The following NCAM1 variants were observed in gnomAD, a reference collection of about 807,000 sequenced individuals.
The protein encoded by NCAM1 is antigen recognized by monoclonal antibody 5.1H11.
In NCAM1, 14 loss-of-function variants were observed where a neutral mutation model predicts 109.8. That is an observed-to-expected ratio of 0.13 (90% CI 0.08 to 0.20). NCAM1 has a LOEUF of 0.20. Ranked by LOEUF, NCAM1 falls within the 10% of genes least tolerant of loss-of-function variation. NCAM1 has a pLI of 1.00. For synonymous variants in NCAM1, 418 were observed against 442.9 expected, an observed-to-expected ratio of 0.94 and a Z score of 0.70; for missense variants, 774 against 1,109.9, an observed-to-expected ratio of 0.70 and a Z score of 4.30.
At chr11:113,126,836 C>G (rs1941199515) in intron 1 of NCAM1, among the ~76,000 whole-genome samples, 1 of 152,196 alleles carries the variant, frequency 6.6e-6, no homozygotes, top group Admixed American at 6.5e-5. Flanking sequence ...ACTTTACAGG[C>G]CAGACTTAGG....
intron 17 of NCAM1, among the ~76,000 whole-genome samples, chr11:113,269,028 G>C (rs1231937267): frequency 6.6e-6 from 1 of 152,170 alleles, no homozygotes; most frequent in East Asian, 1.9e-4. Context: ...TGAATTAGAA[G>C]TGCCCATATT....
At chr11:113,205,431 C>A in intron 3 of NCAM1, 92 bp from the exon 4 acceptor site, 1 of 1,478,006 alleles carries the variant, frequency 6.8e-7, no homozygotes. Flanking sequence ...GAGACTTGCC[C>A]AGGACTCAAG....
At chr11:113,003,137 A>G (rs982602903) in intron 1 of NCAM1, among the ~76,000 whole-genome samples, 4 of 152,260 alleles carry the variant, frequency 2.6e-5, no homozygotes, top group Non-Finnish European at 5.9e-5. Flanking sequence ...AAATATTGCC[A>G]TGAGGGCATC....
intron 1 of NCAM1, among the ~76,000 whole-genome samples, chr11:113,087,413 TTTTG>T (rs1939138802): frequency 6.6e-6 from 1 of 152,206 alleles, no homozygotes; most frequent in Non-Finnish European, 1.5e-5. Context: ...TGACTTTGTT[TTTTG>T]TTTGTTGTTT....
At chr11:113,237,875 T>C (rs199737658) in intron 14 of NCAM1, among the ~76,000 whole-genome samples, 1 of 44,352 alleles carries the variant, frequency 2.3e-5, no homozygotes, top group African/African-American at 5.5e-5. Flanking sequence ...GATATATAGA[T>C]ATATATAGAT....
intron 1 of NCAM1, among the ~76,000 whole-genome samples, chr11:113,056,886 T>C (rs752040937): frequency 9.9e-5 from 15 of 152,190 alleles, no homozygotes; most frequent in Non-Finnish European, 1.9e-4. Flanking sequence ...GATAGATAAC[T>C]AATATATTTT....
intron 1 of NCAM1, among the ~76,000 whole-genome samples, chr11:113,072,824 T>TA (rs1433397918): frequency 1.3e-4 from 1 of 7,434 alleles, no homozygotes; most frequent in Non-Finnish European, 2.8e-4. Flanking sequence ...TTGTTTTTTA[T>TA]TTTTTTTTTC....
At chr11:113,032,319 T>G (rs1952746595) in intron 1 of NCAM1, among the ~76,000 whole-genome samples, 1 of 152,106 alleles carries the variant, frequency 6.6e-6, no homozygotes. Flanking sequence ...ACTGAAACAC[T>G]CCCTTCCACC....
At chr11:113,201,111 T>G (rs1944042161) in intron 1 of NCAM1, among the ~76,000 whole-genome samples, 1 of 152,134 alleles carries the variant, frequency 6.6e-6, no homozygotes, top group Admixed American at 6.5e-5. Context: ...CTGAAGCCTC[T>G]GCTGGCTTTC....
At chr11:113,034,800 C>T (rs1313567497) in intron 1 of NCAM1, among the ~76,000 whole-genome samples, 3 of 152,124 alleles carry the variant, frequency 2.0e-5, no homozygotes, top group Non-Finnish European at 4.4e-5. Context: ...TGTGACTAAC[C>T]AAACCCCAAA....
chr11:113,251,653 C>T (rs189809600), intron 15 of NCAM1, among the ~76,000 whole-genome samples: 4 of 152,284 alleles, frequency 2.6e-5, no homozygotes, highest in East Asian at 1.9e-4. Flanking sequence ...ATGGCTAAAG[C>T]GAAACTCCAA....
intron 1 of NCAM1, among the ~76,000 whole-genome samples, chr11:113,114,727 C>T (rs997131832): frequency 2.6e-5 from 4 of 152,264 alleles, no homozygotes; most frequent in Non-Finnish European, 2.9e-5. Context: ...GCCTGTGTGG[C>T]GCAGCTTTCT....
chr11:113,074,947 T>C (rs970353107), intron 1 of NCAM1, among the ~76,000 whole-genome samples: 1 of 152,212 alleles, frequency 6.6e-6, no homozygotes, highest in Non-Finnish European at 1.5e-5. Flanking sequence ...TATTCAATTT[T>C]AATTAGTTCA....
At chr11:113,183,849 G>T (rs1278427129) in intron 1 of NCAM1, among the ~76,000 whole-genome samples, 1 of 151,798 alleles carries the variant, frequency 6.6e-6, no homozygotes, top group Non-Finnish European at 1.5e-5. Context: ...TGACACTTCT[G>T]TGTCATTTGA....
rs184815401 is a variant in NCAM1, at chr11:112,970,060, A to G, written c.52+8396A>G. ...ATAGGGAGAGAGGGCCTGTTTTCCT[A>G]TAGGATGAGGTGGATCTGGCCAAAG... On this transcript the variant is annotated intron_variant, in intron 1 of 19. Coordinates refer to ENST00000316851, the MANE Select transcript of NCAM1 (RefSeq NM_181351.5). 1.7e-3 allele frequency among the ~76,000 whole-genome samples: 257 copies of G among 152,264 alleles called. 2 individuals carry two copies. Among genetic ancestry groups the G allele is most frequent in the Non-Finnish European group, 1.0e-3 (71 of 68,010 alleles).
intron 1 of NCAM1, among the ~76,000 whole-genome samples, chr11:113,073,747 G>T (rs1300389102): frequency 6.6e-6 from 1 of 152,228 alleles, no homozygotes; most frequent in African/African-American, 2.4e-5. Context: ...TCAGCTGGTG[G>T]TGTGGAGGTG....
At chr11:113,095,141 T>A (rs1297436485) in intron 1 of NCAM1, among the ~76,000 whole-genome samples, 5 of 152,182 alleles carry the variant, frequency 3.3e-5, no homozygotes, top group Admixed American at 6.5e-5. Flanking sequence ...TCAATAATTT[T>A]GTAAAGAGAA....
At chr11:113,134,260 T>A (rs1941517093) in intron 1 of NCAM1, among the ~76,000 whole-genome samples, 1 of 152,234 alleles carries the variant, frequency 6.6e-6, no homozygotes. Context: ...ACTGCATTAT[T>A]TTACGTAGCA....
intron 9 of NCAM1, among the ~76,000 whole-genome samples, chr11:113,228,899 G>A (rs538211670): frequency 0.033 from 5,004 of 152,196 alleles, 284 homozygotes; most frequent in African/African-American, 0.11. Flanking sequence ...GCTGAAACTG[G>A]ACCCCTTCCT....
Sources: gnomAD v4.1 joint callset for allele counts (sites outside exome capture counted in the v4.1 genomes callset) on GRCh38, gnomAD v4.1.1 for gene constraint, MANE v1.5 for transcripts, NCBI Gene and HGNC (gene_info 2026-07-23, HGNC 2026-07-21) for gene names.